Variants in APRT observed in about 807,000 individuals in gnomAD.
The protein encoded by APRT is AMP diphosphorylase.
Under a neutral mutation model 21.0 loss-of-function variants are expected in APRT, and 25 were observed. That is an observed-to-expected ratio of 1.19 (90% CI 0.87 to 1.66). APRT has a LOEUF of 1.66. Ranked by LOEUF, APRT falls within the 40% of genes most tolerant of loss-of-function variation. The pLI, the probability that APRT is intolerant of heterozygous loss-of-function variation, is 0.00. For synonymous variants in APRT, 153 were observed against 109.0 expected (o/e 1.40, Z -2.52); for missense variants, 294 against 232.7 (o/e 1.26, Z -1.72).
chr16:88,810,262 G>C (rs1909068067), intron 3 of APRT, 114 bp from the exon 4 acceptor site: 18 of 1,493,400 alleles, frequency 1.2e-5, no homozygotes, highest in Non-Finnish European at 1.5e-5. Flanking sequence ...CTGTTACCTG[G>C]CTGTGTGAGC....
chr16:88,810,555 G>A lies in APRT; in HGVS notation c.189C>T (p.Gly63=). 2 of 1,611,200 alleles carry A rather than the reference G, an allele frequency of 1.2e-6. No individual in the cohort carries two copies. The highest frequency in any genetic ancestry group is 1.1e-5 in the South Asian group (1 of 90,812). The change falls in exon 3 of 5, where the codon GGC becomes GGT. Residue 63 remains glycine (G), a splice_region_variant and synonymous_variant. Coordinates refer to ENST00000378364, the MANE Select transcript of APRT (RefSeq NM_000485.3). The stretch of plus-strand genomic sequence containing the variant: ...CAAAGAGGAAGCCTCGGGAGTCTAG[G>A]CCTGTCAGGGTAAGTGACAGGAGTG... ...THGGRIDYIA[G]LDSRGFLFGP...
In APRT at chr16:88,809,374, C is replaced by A; in HGVS notation, c.*324G>T. On this transcript the variant is annotated 3_prime_UTR_variant, in exon 5 of 5. Transcript: ENST00000378364. ...GAGAACCAGGACAGGTTCTGCTGGG[C>A]ATCACGCCAAGCAGCACATGCCCAC... The A allele has an allele frequency of 2.0e-6, 1 of 500,268 alleles. No individual in the cohort carries two copies. Among genetic ancestry groups the A allele is most frequent in the Non-Finnish European group, 3.9e-6 (1 of 257,118 alleles). 31.0% of individuals were successfully genotyped at this position (500,268 alleles called of 1,614,324 possible). A position where few individuals can be genotyped will look rare whatever the true frequency, so the allele number is the denominator to read the frequency against.
intron 4 of APRT, 34 bp downstream of exon 4, chr16:88,810,036 G>C: frequency 6.2e-7 from 1 of 1,608,946 alleles, no homozygotes; most frequent in Non-Finnish European, 8.5e-7. Flanking sequence ...CAGGCCCTTG[G>C]AGCCACAGCA....
chr16:88,809,885 GAGC>G (rs1056892598), intron 4 of APRT, 45 bp from the exon 5 acceptor site: 2 of 1,603,020 alleles, frequency 1.2e-6, no homozygotes, highest in Middle Eastern at 1.7e-4. Context: ...GGGCTGCAGA[GAGC>G]AGGTGCTCCA....
intron 1 of APRT, 37 bp from the exon 2 acceptor site, chr16:88,811,693 A>C (rs2142954601): frequency 2.0e-6 from 3 of 1,529,594 alleles, no homozygotes; most frequent in Non-Finnish European, 2.6e-6. Flanking sequence ...GCCGGGGCCG[A>C]AGGAGGGCAG....
rs1909009090 is a variant in APRT at position 88,809,342 on chromosome 16, C to T, written c.*356G>A. On this transcript the variant is annotated 3_prime_UTR_variant, in exon 5 of 5. Transcript: ENST00000378364. ...TGCAGTGCCTGGAGGGTTCTAGCTC[C>T]TGAGGTGAGAACCAGGACAGGTTCT... is the stretch of plus-strand genomic sequence containing the variant. The T allele has an allele frequency of 2.2e-6, 1 of 452,402 alleles. No individual in the cohort carries two copies. The highest frequency in any genetic ancestry group is 4.4e-6 in the Non-Finnish European group (1 of 228,998). The allele number at this position is 452,402 out of a possible 1,614,324, so 28.0% of individuals were successfully genotyped here.
rs1424169203 is a variant in APRT at position 88,811,537 on chromosome 16, A to T, written c.187+13T>A. 1.3e-6 allele frequency: 2 copies of T among 1,579,026 alleles called. No individual in the cohort carries two copies. The highest frequency in any genetic ancestry group is 1.8e-5 in the Admixed American group (1 of 55,688). On this transcript the variant is annotated intron_variant, in intron 2 of 4. Transcript: ENST00000378364. ...AGGCGGAAGCGCCCTAGATGCGGCCACTGGGCACTCGCCTGCGATGTAGTC... is the reference window on the plus strand; with the variant it reads ...AGGCGGAAGCGCCCTAGATGCGGCCTCTGGGCACTCGCCTGCGATGTAGTC...
At position 88,809,938 on chromosome 16, in the gene APRT, G is replaced by C. The variant is rs750638200; in HGVS notation, c.401-98C>G. ...TTGGGGAGGGGAAGGCATGGGGAGAGGAAGGTGTCGGCCTGGCCACCAGGC... is the reference window on the plus strand; with the variant it reads ...TTGGGGAGGGGAAGGCATGGGGAGACGAAGGTGTCGGCCTGGCCACCAGGC... On this transcript the variant is annotated intron_variant, in intron 4 of 4. Coordinates refer to ENST00000378364, the MANE Select transcript of APRT (RefSeq NM_000485.3). The C allele has an allele frequency of 3.2e-6, 5 of 1,575,102 alleles. No individual in the cohort carries two copies. The South Asian group carries it at 5.5e-5, about 17-fold the overall frequency.
rs1454840949 is a variant in APRT, at chr16:88,811,879, C to G, written c.21G>C (p.Gln7His). Residue 7 changes from glutamine to histidine, a missense_variant, in exon 1 of 5, where the codon CAG becomes CAC. Gln to His is a conservative substitution (Grantham distance 24, BLOSUM62 0). Coordinates refer to ENST00000378364, the MANE Select transcript of APRT (RefSeq NM_000485.3). ...AGCTGCGGATCCGCTGCTCAACCAGCTGCAGCTCGGAGTCGGCCATGGCCG... is the reference window on the plus strand; with the variant it reads ...AGCTGCGGATCCGCTGCTCAACCAGGTGCAGCTCGGAGTCGGCCATGGCCG... Reference protein sequence around the residue: MADSELQLVEQRIRSFP... With the variant: MADSELHLVEQRIRSFP... The G allele has an allele frequency of 2.6e-6, 4 of 1,563,068 alleles. No homozygotes were observed. The highest frequency in any genetic ancestry group is 1.4e-5 in the African/African-American group (1 of 73,468).
Position 88,811,596 on chromosome 16 carries a change from C to T in APRT, c.141G>A (p.Ala47=). 1.2e-6 allele frequency: 2 copies of T among 1,604,022 alleles called. No individual in the cohort carries two copies. Among genetic ancestry groups the T allele is most frequent in the Non-Finnish European group, 1.7e-6 (2 of 1,176,116 alleles). ...CCCCGTGGGTCGCCTTCAGGTGTCG[C>T]GCCAGGAGGCCGATGGCGGCGCGGA... ...ASFRAAIGLL[A]RHLKATHGGR... The change falls in exon 2 of 5, where the codon GCG becomes GCA. Residue 47 remains alanine (A), a synonymous_variant. Transcript: ENST00000378364.
chr16:88,810,263 CTG>C (rs200229196), intron 3 of APRT, 115 bp from the exon 4 acceptor site: 73,286 of 1,495,876 alleles, frequency 0.049, 2,340 homozygotes, highest in Middle Eastern at 0.097. Context: ...TGTTACCTGG[CTG>C]TGTGAGCCCA....
chr16:88,809,449 A>G lies in APRT; in HGVS notation c.*249T>C, dbSNP rs1398346353. The G allele has an allele frequency of 1.6e-6, 1 of 629,484 alleles. No individual in the cohort carries two copies. Among genetic ancestry groups the G allele is most frequent in the African/African-American group, 1.8e-5 (1 of 55,142 alleles). The allele number at this position is 629,484 out of a possible 1,614,324, so 39.0% of individuals were successfully genotyped here. A position where few individuals can be genotyped will look rare whatever the true frequency, so the allele number is the denominator to read the frequency against. On this transcript the variant is annotated 3_prime_UTR_variant, in exon 5 of 5. Transcript: ENST00000378364. ...CCTGGGGCTCCCTGCCCTGGGGAAC[A>G]GGAGGACAGGAGACGGCTCTTGTGG...
In APRT at chr16:88,809,844, G is replaced by T. The variant is rs1406869148; in HGVS notation, c.401-4C>A. On this transcript the variant is annotated splice_polypyrimidine_tract_variant and splice_region_variant and intron_variant, in intron 4 of 4. Transcript: ENST00000378364. Reference sequence around the variant, plus strand: ...TCACAGGCAGCGTTCATGGTTCCTGGGGATGGGAGGGTGAGGTCCCCAGTT... The same window carrying T: ...TCACAGGCAGCGTTCATGGTTCCTGTGGATGGGAGGGTGAGGTCCCCAGTT... 6.2e-7 allele frequency: 1 copy of T among 1,610,602 alleles called. No homozygotes were observed.
rs369570262 is a variant in APRT at position 88,811,559 on chromosome 16, A to G, written c.178T>C (p.Tyr60His). ...GCCACTGGGCACTCGCCTGCGATGT[A>G]GTCGATGCGGCCCCCGTGGGTCGCC... ...LKATHGGRID[Y>H]IAGLDSRGFL... is the part of the protein sequence containing the mutation. Residue 60 changes from tyrosine (Y) to histidine (H), a missense_variant, in exon 2 of 5, where the codon TAC becomes CAC. By Grantham distance (83) the Tyr-to-His change is moderately conservative. Coordinates refer to ENST00000378364, the MANE Select transcript of APRT (RefSeq NM_000485.3). 1 of 1,596,460 alleles carries G rather than the reference A, an allele frequency of 6.3e-7. No individual in the cohort carries two copies. The highest frequency in any genetic ancestry group is 1.3e-5 in the African/African-American group (1 of 74,722).
chr16:88,810,524 A>AG lies in APRT; in HGVS notation c.219dup (p.Ser74LeufsTer36). 6.2e-7 allele frequency: 1 copy of AG among 1,612,146 alleles called. No individual in the cohort carries two copies. Among genetic ancestry groups the AG allele is most frequent in the Non-Finnish European group, 8.5e-7 (1 of 1,179,894 alleles). On this transcript the variant is annotated frameshift_variant, in exon 3 of 5. Transcript: ENST00000378364. LOFTEE classifies it high-confidence loss of function. ...CCCAGTCCAAGCTCCTGGGCCAGGG[A>AG]GGGGCCAAAGAGGAAGCCTCGGGAG... is the stretch of plus-strand genomic sequence containing the variant.
At chr16:88,811,358 A>C in intron 2 of APRT, 192 bp downstream of exon 2, 1 of 616,174 alleles carries the variant, frequency 1.6e-6, no homozygotes, top group Non-Finnish European at 2.8e-6. Context: ...TGCGGGAAGG[A>C]CGCCTGCACA....
chr16:88,811,651 A>C lies in APRT; in HGVS notation c.86T>G (p.Ile29Ser). The change falls in exon 2 of 5, where the codon ATC (isoleucine) becomes AGC (serine). Residue 29 changes from isoleucine to serine, a missense_variant. Physicochemically the swap from Ile to Ser is moderately radical, Grantham distance 142. Transcript: ENST00000378364. ...GGCGGGGTCCTTCAGGACGGGCGAG[A>C]TGTCCCTGGACCCAAGGACAGGCCT... The part of the protein sequence containing the change: ...FPTPGVVFRD[I>S]SPVLKDPASF... The C allele has an allele frequency of 6.3e-7, 1 of 1,592,860 alleles. No homozygotes were observed. Among genetic ancestry groups the C allele is most frequent in the Non-Finnish European group, 8.5e-7 (1 of 1,170,060 alleles).
Position 88,810,160 on chromosome 16 carries a change from A to G in APRT, c.322-12T>C. The G allele has an allele frequency of 1.2e-6, 2 of 1,612,298 alleles. No homozygotes were observed. The highest frequency in any genetic ancestry group is 1.7e-6 in the Non-Finnish European group (2 of 1,179,794). On this transcript the variant is annotated splice_polypyrimidine_tract_variant and intron_variant, in intron 3 of 4. Transcript: ENST00000378364. ...ATCTCCAGCTCAGCCTGGAGTGGGA[A>G]GTGGTGTGTGGTCCTCAGCCTCCCG...
intron 2 of APRT, chr16:88,811,336 G>A: frequency 1.7e-6 from 1 of 594,702 alleles, no homozygotes; most frequent in Non-Finnish European, 2.9e-6. Context: ...CCTGGGCTGG[G>A]GACCCGGAAC....
Sources: allele counts gnomAD v4.1 joint callset, GRCh38; gene constraint gnomAD v4.1.1; transcripts MANE v1.5; gene names NCBI Gene and HGNC (gene_info 2026-07-23, HGNC 2026-07-21).